The following SLC22A2 variants were observed in gnomAD, a reference collection of about 807,000 sequenced individuals.
SLC22A2 encodes solute carrier family 22 member 2, also known as organic cation transporter 2.
SLC22A2 carries 46 observed loss-of-function variants against 60.5 expected under a neutral mutation model. That is an observed-to-expected ratio of 0.76 (90% CI 0.60 to 0.97). The LOEUF (loss-of-function observed/expected upper bound fraction) is 0.97, where lower values mean the gene tolerates loss of function less well. SLC22A2 is among the 50% of genes least tolerant of loss of function. SLC22A2 has a pLI of 0.00. For synonymous variants in SLC22A2, 303 were observed against 267.0 expected (o/e 1.13, Z -1.31); for missense variants, 701 against 706.6 (o/e 0.99, Z 0.09).
intron 6 of SLC22A2, 143 bp from the exon 7 acceptor site, chr6:160,243,929 A>T: frequency 1.6e-6 from 1 of 619,046 alleles, no homozygotes. Context: ...CACTGCTTTT[A>T]TAATCTCTGA....
chr6:160,241,218 T>A (rs1314737534), intron 9 of SLC22A2, among the ~76,000 whole-genome samples: 1 of 152,104 alleles, frequency 6.6e-6, no homozygotes, highest in East Asian at 1.9e-4. Context: ...AGGAGTCCCA[T>A]ACTTGAGTAT....
At chr6:160,249,105 G>T in intron 4 of SLC22A2, 111 bp downstream of exon 4, 1 of 717,724 alleles carries the variant, frequency 1.4e-6, no homozygotes, top group Non-Finnish European at 2.3e-6. Flanking sequence ...AATGGGTCTG[G>T]AGAGTGAAAG....
chr6:160,237,392 G>A (rs1462542068), intron 9 of SLC22A2, among the ~76,000 whole-genome samples: 1 of 152,120 alleles, frequency 6.6e-6, no homozygotes, highest in African/African-American at 2.4e-5. Context: ...TACACAAAGG[G>A]TTGTGCAGGA....
chr6:160,232,561 T>C (rs1393035346), intron 9 of SLC22A2, among the ~76,000 whole-genome samples: 1 of 108,454 alleles, frequency 9.2e-6, no homozygotes, highest in Non-Finnish European at 2.0e-5. Flanking sequence ...TCCTCCATCA[T>C]TAATGCCTCT....
chr6:160,219,240 C>T (rs1377047129), intron 10 of SLC22A2, among the ~76,000 whole-genome samples: 2 of 147,434 alleles, frequency 1.4e-5, no homozygotes, highest in Non-Finnish European at 3.0e-5. Context: ...GCAGCAGCAA[C>T]AACAGTAACA....
chr6:160,240,292 G>A (rs909415835), intron 9 of SLC22A2, among the ~76,000 whole-genome samples: 1 of 152,152 alleles, frequency 6.6e-6, no homozygotes, highest in Non-Finnish European at 1.5e-5. Flanking sequence ...ATATGATAAG[G>A]TGAATGTTTA....
At chr6:160,224,628 T>C in intron 10 of SLC22A2, 77 bp downstream of exon 10, 1 of 782,354 alleles carries the variant, frequency 1.3e-6, no homozygotes, top group Non-Finnish European at 2.0e-6. Context: ...TAAAGTCAAT[T>C]TAATTCTTTC....
intron 9 of SLC22A2, among the ~76,000 whole-genome samples, chr6:160,227,891 G>T (rs12205178): frequency 6.6e-6 from 1 of 152,106 alleles, no homozygotes; most frequent in Admixed American, 6.5e-5. Context: ...ACCTCTGGTC[G>T]TCTTCATTGC....
chr6:160,226,418 G>C lies in SLC22A2; in HGVS notation c.1502-1614C>G, dbSNP rs1257630082. ...ATTCCCCTGTCTGGAGAAATTGACT[G>C]TCTAGGCAGCAGGCAAGGTGAACCC... On this transcript the variant is annotated intron_variant, in intron 9 of 10. Transcript: ENST00000366953. Among the ~76,000 whole-genome samples the C allele has an allele frequency of 2.0e-5, 3 of 152,172 alleles. No homozygotes were observed. The East Asian group carries it at 5.8e-4, about 29-fold the overall frequency.
intron 9 of SLC22A2, among the ~76,000 whole-genome samples, chr6:160,239,728 C>T (rs1322822606): frequency 1.3e-5 from 2 of 152,160 alleles, no homozygotes; most frequent in Admixed American, 6.6e-5. Context: ...ATAGGGGTCA[C>T]ATATGTCTCA....
At chr6:160,235,843 G>A (rs1782901904) in intron 9 of SLC22A2, among the ~76,000 whole-genome samples, 2 of 152,088 alleles carry the variant, frequency 1.3e-5, no homozygotes, top group South Asian at 4.1e-4. Context: ...TTTGACTTAT[G>A]TAGTATAAAA....
rs141514169 is a variant in SLC22A2 at position 160,256,992 on chromosome 6, C to G, written c.415-275G>C. 5.5e-4 allele frequency among the ~76,000 whole-genome samples: 84 copies of G among 151,450 alleles called. 1 individual carries two copies. The highest frequency in any genetic ancestry group is 1.0e-3 in the Non-Finnish European group (68 of 67,942). ...CATGGCTCACTGCAGCCTCGACCTC[C>G]TGGGCTCATGTGATCCTCACACCTC... is the stretch of plus-strand genomic sequence containing the variant. On this transcript the variant is annotated intron_variant, in intron 1 of 10. Transcript: ENST00000366953.
intron 4 of SLC22A2, among the ~76,000 whole-genome samples, chr6:160,248,460 C>A (rs1783132247): frequency 6.6e-6 from 1 of 152,188 alleles, no homozygotes; most frequent in Non-Finnish European, 1.5e-5. Flanking sequence ...GGATAAGAAA[C>A]AGGCTTCTGG....
chr6:160,242,515 A>AGAAAAAT, intron 7 of SLC22A2, 113 bp from the exon 8 acceptor site: 1 of 695,782 alleles, frequency 1.4e-6, no homozygotes. Flanking sequence ...GGGACAAGAA[A>AGAAAAAT]GAAAAATGAC....
chr6:160,228,751 A>G (rs1782768731), intron 9 of SLC22A2, among the ~76,000 whole-genome samples: 1 of 152,002 alleles, frequency 6.6e-6, no homozygotes, highest in Admixed American at 6.5e-5. Context: ...AAAGAAGTGA[A>G]AATGGCCTGT....
At chr6:160,257,438 G>A (rs952568072) in intron 1 of SLC22A2, among the ~76,000 whole-genome samples, 1 of 152,064 alleles carries the variant, frequency 6.6e-6, no homozygotes, top group African/African-American at 2.4e-5. Context: ...TGTGTGGCCT[G>A]GGGAAAAACC....
intron 9 of SLC22A2, among the ~76,000 whole-genome samples, chr6:160,228,686 C>G (rs149173475): frequency 5.9e-5 from 9 of 152,270 alleles, no homozygotes; most frequent in East Asian, 1.9e-4. Context: ...GCCATCATAT[C>G]CCCTGTGGCC....
At chr6:160,225,613 A>G (rs1782710723) in intron 9 of SLC22A2, among the ~76,000 whole-genome samples, 3 of 152,212 alleles carry the variant, frequency 2.0e-5, no homozygotes, top group African/African-American at 7.2e-5. Context: ...AAGTTCTGTA[A>G]TCTTTCTGAT....
Position 160,243,687 on chromosome 6 carries a change from G to A in SLC22A2, c.1164C>T (p.Phe388=), listed in dbSNP as rs1201325540. The A allele has an allele frequency of 6.2e-7, 1 of 1,614,002 alleles. No individual in the cohort carries two copies. The highest frequency in any genetic ancestry group is 1.1e-5 in the South Asian group (1 of 91,078). The change falls in exon 7 of 11, where the codon TTC becomes TTT. Residue 388 remains phenylalanine, a synonymous_variant. Transcript: ENST00000366953. ...LDFFYSALVE[F]PAAFMIILTI... ...TGAGGATGATCATGAAGGCAGCTGGGAATTCAACCAGGGCAGAGTAGAAGA... is the reference window on the plus strand; with the variant it reads ...TGAGGATGATCATGAAGGCAGCTGGAAATTCAACCAGGGCAGAGTAGAAGA...
Sources: gnomAD v4.1 joint callset for allele counts (sites outside exome capture counted in the v4.1 genomes callset) on GRCh38, gnomAD v4.1.1 for gene constraint, MANE v1.5 for transcripts, NCBI Gene and HGNC (gene_info 2026-07-23, HGNC 2026-07-21) for gene names.